The following WNT9B variants were observed in gnomAD, a reference collection of about 807,000 sequenced individuals.
WNT9B encodes Wnt family member 9B.
WNT9B carries 12 observed loss-of-function variants against 30.2 expected under a neutral mutation model. The observed-to-expected ratio is 0.40, with a 90% CI of 0.26 to 0.64. The LOEUF (loss-of-function observed/expected upper bound fraction) is 0.64, where lower values mean the gene tolerates loss of function less well. WNT9B is among the 30% of genes least tolerant of loss of function. The pLI is 0.42. For synonymous variants in WNT9B, 218 were observed against 216.9 expected (o/e 1.01, Z -0.05); for missense variants, 442 against 485.2 (o/e 0.91, Z 0.84).
At chr17:46,845,485 AT>A (rs34586359) in intron 1 of WNT9B, among the ~76,000 whole-genome samples, 9,384 of 121,338 alleles carry the variant, frequency 0.077, 194 homozygotes, top group Non-Finnish European at 0.089. Flanking sequence ...AGTTATCTGA[AT>A]TTTTTTTTTT....
intron 1 of WNT9B, among the ~76,000 whole-genome samples, chr17:46,852,391 T>TGTGC (rs2084866678): frequency 4.8e-5 from 1 of 21,014 alleles, no homozygotes; most frequent in Non-Finnish European, 7.5e-5. Context: ...GAGGGCCCAG[T>TGTGC]GTGTGTGTGT....
At chr17:46,860,026 G>T (rs9895603) in intron 1 of WNT9B, among the ~76,000 whole-genome samples, 1 of 152,176 alleles carries the variant, frequency 6.6e-6, no homozygotes, top group African/African-American at 2.4e-5. Context: ...TGGAGGGAAG[G>T]AAAGGTAAAA....
rs76630362 is a variant in WNT9B, at chr17:46,854,400, G to A, written c.77+2685G>A. On this transcript the variant is annotated intron_variant, in intron 1 of 3. Transcript: ENST00000290015. ...AAGAGAATATGCAAACATCAGGAGG[G>A]CAGGTGAGGCCGATCTTCTTGGGCT... is the stretch of plus-strand genomic sequence containing the variant. 5.2e-3 allele frequency among the ~76,000 whole-genome samples: 796 copies of A among 152,206 alleles called. 13 individuals carry two copies. Among genetic ancestry groups the A allele is most frequent in the African/African-American group, 0.018 (744 of 41,450 alleles).
chr17:46,876,150 C>A, intron 3 of WNT9B, 95 bp from the exon 4 acceptor site: 7 of 1,218,546 alleles, frequency 5.7e-6, no homozygotes, highest in Non-Finnish European at 7.9e-6. Context: ...TTCCCATTCT[C>A]CTGCCTCTGC....
At chr17:46,857,822 G>A (rs1291532659) in intron 1 of WNT9B, among the ~76,000 whole-genome samples, 1 of 152,118 alleles carries the variant, frequency 6.6e-6, no homozygotes, top group Non-Finnish European at 1.5e-5. Flanking sequence ...ATTGATGAAT[G>A]GTGTGTTGAA....
Position 46,876,809 on chromosome 17 carries a change from C to T in WNT9B, c.*91C>T. On this transcript the variant is annotated 3_prime_UTR_variant, in exon 4 of 4. Transcript: ENST00000290015. Reference sequence around the variant, plus strand: ...GCCGGCCCTCTGGGCAGACTGTCATCACATGCATGCATAAACCGGCATGTG... The same window carrying T: ...GCCGGCCCTCTGGGCAGACTGTCATTACATGCATGCATAAACCGGCATGTG... 6.9e-7 allele frequency: 1 copy of T among 1,449,668 alleles called. No homozygotes were observed. The highest frequency in any genetic ancestry group is 9.1e-7 in the Non-Finnish European group (1 of 1,097,452). The allele number at this position is 1,449,668 out of a possible 1,614,324, so 89.8% of individuals were successfully genotyped here.
intron 1 of WNT9B, among the ~76,000 whole-genome samples, chr17:46,841,705 A>C (rs1045913135): frequency 6.6e-6 from 1 of 152,068 alleles, no homozygotes; most frequent in Non-Finnish European, 1.5e-5. Flanking sequence ...GACCCTCTGG[A>C]CTGGGGAGTG....
At position 46,860,253 on chromosome 17, in the gene WNT9B, C is replaced by T. The variant is rs568616125; in HGVS notation, c.77+8538C>T. On this transcript the variant is annotated intron_variant, in intron 1 of 3. Transcript: ENST00000290015. The stretch of plus-strand genomic sequence containing the variant: ...GACGGGAAGGAGGAGAGGAGGGAAG[C>T]GGGGCCGGCAGACTCCCGGGCTGGA... Among the ~76,000 whole-genome samples the T allele has an allele frequency of 2.8e-4, 42 of 152,160 alleles. No individual in the cohort carries two copies. In the South Asian group the frequency reaches 3.8e-3, roughly 14 times the overall value.
downstream of WNT9B, among the ~76,000 whole-genome samples, chr17:46,884,863 A>G (rs2085470158): frequency 6.6e-6 from 1 of 152,156 alleles, no homozygotes; most frequent in Admixed American, 6.5e-5. Context: ...GGGGAGGACT[A>G]TGGCCTGGCT....
chr17:46,836,750 A>G (rs1249730804), intron 1 of WNT9B, among the ~76,000 whole-genome samples: 1 of 152,130 alleles, frequency 6.6e-6, no homozygotes, highest in East Asian at 1.9e-4. Context: ...TCATGGGGTG[A>G]TGTCTTGGTT....
upstream of WNT9B, among the ~76,000 whole-genome samples, chr17:46,849,540 T>C (rs541364776): frequency 7.9e-5 from 12 of 152,142 alleles, no homozygotes; most frequent in Non-Finnish European, 1.5e-4. Context: ...CTCAGGCCCC[T>C]CATCCTCTAG....
downstream of WNT9B, among the ~76,000 whole-genome samples, chr17:46,883,984 C>G (rs988116793): frequency 6.6e-6 from 1 of 152,308 alleles, no homozygotes; most frequent in African/African-American, 2.4e-5. Context: ...GGGAGCTGAG[C>G]CCCTACCCCT....
chr17:46,855,437 C>G (rs1398352203), intron 1 of WNT9B, among the ~76,000 whole-genome samples: 2 of 152,194 alleles, frequency 1.3e-5, no homozygotes, highest in Admixed American at 1.3e-4. Flanking sequence ...CAAGCTAGTC[C>G]TGGCTCTGGG....
Position 46,875,292 on chromosome 17 carries a change from T to A in WNT9B, c.526T>A (p.Phe176Ile). Residue 176 changes from phenylalanine (F) to isoleucine (I), a missense_variant, in exon 3 of 4, where the codon TTC (phenylalanine) becomes ATC (isoleucine). By Grantham distance (21) the Phe-to-Ile change is conservative. Coordinates refer to ENST00000290015, the MANE Select transcript of WNT9B (RefSeq NM_003396.3). ...LKYSTKFLSNFLGSKRGNKDL... is the reference protein window; with the variant it reads ...LKYSTKFLSNILGSKRGNKDL... The stretch of plus-strand genomic sequence containing the variant: ...GTACAGCACCAAGTTTCTGAGCAAC[T>A]TCCTGGGGTCCAAGAGAGGAAACAA... 1 of 1,614,124 alleles carries A rather than the reference T, an allele frequency of 6.2e-7. No homozygotes were observed. The highest frequency in any genetic ancestry group is 8.5e-7 in the Non-Finnish European group (1 of 1,179,984).
At chr17:46,844,618 G>C (rs74669951) in intron 1 of WNT9B, among the ~76,000 whole-genome samples, 7,248 of 152,200 alleles carry the variant, frequency 0.048, 588 homozygotes, top group African/African-American at 0.16. Context: ...ACTTCAAGAT[G>C]GGACCCCTTT....
In WNT9B at chr17:46,878,497, C is replaced by T. The variant is rs1022849315; in HGVS notation, c.*1779C>T. 1.3e-5 allele frequency among the ~76,000 whole-genome samples: 2 copies of T among 152,174 alleles called. No individual in the cohort carries two copies. The highest frequency in any genetic ancestry group is 2.9e-5 in the Non-Finnish European group (2 of 68,026). On this transcript the variant is annotated 3_prime_UTR_variant, in exon 4 of 4. Coordinates refer to ENST00000290015, the MANE Select transcript of WNT9B (RefSeq NM_003396.3). ...AAGCCAAACTGACCTGAGCCCCTCT[C>T]GTTAAAATGACATTGCTGACCCAAG...
At chr17:46,850,942 C>A, upstream of WNT9B, among the ~76,000 whole-genome samples, 1 of 152,228 alleles carries the variant, frequency 6.6e-6, no homozygotes, top group African/African-American at 2.4e-5. Flanking sequence ...CGCTGCGCGC[C>A]TCGCCGGTAA....
downstream of WNT9B, among the ~76,000 whole-genome samples, chr17:46,880,710 C>T (rs1383509292): frequency 1.3e-5 from 2 of 152,156 alleles, no homozygotes; most frequent in Non-Finnish European, 2.9e-5. Flanking sequence ...TCCTGGCCTC[C>T]AAAGTATGGG....
chr17:46,870,681 C>A (rs1344217722), intron 1 of WNT9B, among the ~76,000 whole-genome samples: 3 of 152,220 alleles, frequency 2.0e-5, no homozygotes, highest in Non-Finnish European at 2.9e-5. Flanking sequence ...AGGCTTCCAA[C>A]TTCTGGGGCA....
Sources: gnomAD v4.1 joint callset for allele counts (sites outside exome capture counted in the v4.1 genomes callset) on GRCh38, gnomAD v4.1.1 for gene constraint, MANE v1.5 for transcripts, NCBI Gene and HGNC (gene_info 2026-07-23, HGNC 2026-07-21) for gene names.